ADAMTS17: variants seen among roughly 807,000 people sequenced by gnomAD.
ADAMTS17 encodes the protein A disintegrin and metalloproteinase with thrombospondin motifs 17.
ADAMTS17 carries 113 observed loss-of-function variants against 141.5 expected under a neutral mutation model. The ratio of observed to expected loss-of-function variants is 0.80; its 90% CI spans 0.69 to 0.93. ADAMTS17 has a LOEUF of 0.93. ADAMTS17 is among the 40% of genes least tolerant of loss of function. The pLI, the probability that ADAMTS17 is intolerant of heterozygous loss-of-function variation, is 0.00. For synonymous variants in ADAMTS17, 768 were observed against 630.6 expected, an observed-to-expected ratio of 1.22 and a Z score of -3.27; for missense variants, 1,659 against 1,517.9, an observed-to-expected ratio of 1.09 and a Z score of -1.54.
In ADAMTS17 at chr15:100,262,385, T is replaced by G; in HGVS notation, c.840A>C (p.Gln280His). 6.2e-7 allele frequency: 1 copy of G among 1,614,020 alleles called. No homozygotes were observed. The highest frequency in any genetic ancestry group is 8.5e-7 in the Non-Finnish European group (1 of 1,179,970). The stretch of plus-strand genomic sequence containing the variant: ...GTCGTAGCAGGACAAGCTTGGTCAC[T>G]TGAATGTTAATTTTAATCCCCAGGC... Reference protein sequence around the residue: ...HQSLGIKINIQVTKLVLLRQR... With the variant: ...HQSLGIKINIHVTKLVLLRQR... Residue 280 changes from glutamine to histidine, a missense_variant, in exon 5 of 22, where the codon CAA (glutamine) becomes CAC (histidine). Physicochemically the swap from Gln to His is conservative, Grantham distance 24. Transcript: ENST00000268070.
intron 7 of ADAMTS17, among the ~76,000 whole-genome samples, chr15:100,250,980 G>A (rs1596362640): frequency 2.6e-5 from 4 of 152,148 alleles, no homozygotes; most frequent in South Asian, 2.1e-4. Context: ...TCTGTTCATC[G>A]AATCATCCCA....
chr15:100,030,711 A>G (rs1330963002), intron 18 of ADAMTS17, among the ~76,000 whole-genome samples: 4 of 152,172 alleles, frequency 2.6e-5, no homozygotes, highest in Non-Finnish European at 2.9e-5. Context: ...TGCTGTTGCA[A>G]TTTACTCTGA....
chr15:100,112,521 C>A (rs773127320), intron 13 of ADAMTS17, among the ~76,000 whole-genome samples: 1 of 152,122 alleles, frequency 6.6e-6, no homozygotes, highest in Non-Finnish European at 1.5e-5. Flanking sequence ...CTATTTCCCT[C>A]CAGGTTGCCT....
intron 7 of ADAMTS17, among the ~76,000 whole-genome samples, chr15:100,238,315 T>A (rs1190800645): frequency 6.6e-6 from 1 of 152,182 alleles, no homozygotes; most frequent in Non-Finnish European, 1.5e-5. Context: ...CCAGCCTCCA[T>A]CCACACTCTA....
At chr15:100,070,443 T>TCCCTATGCTAAGGGAAAAAAGCC (rs2033884049) in intron 15 of ADAMTS17, among the ~76,000 whole-genome samples, 1 of 150,324 alleles carries the variant, frequency 6.7e-6, no homozygotes, top group Non-Finnish European at 1.5e-5. Context: ...ATATACATTC[T>TCCCTATGCTAAGGGAAAAAAGCC]TCTCAGCACC....
intron 15 of ADAMTS17, among the ~76,000 whole-genome samples, chr15:100,054,530 AAGG>A (rs1335930173): frequency 2.6e-5 from 4 of 152,222 alleles, no homozygotes; most frequent in Admixed American, 6.5e-5. Flanking sequence ...GGGGTTCCAG[AAGG>A]AGAAGAGCCC....
At chr15:100,083,053 G>T (rs766407102) in intron 15 of ADAMTS17, among the ~76,000 whole-genome samples, 9 of 152,188 alleles carry the variant, frequency 5.9e-5, no homozygotes, top group Non-Finnish European at 1.3e-4. Flanking sequence ...TGGAAATATG[G>T]AAGTAACACA....
intron 8 of ADAMTS17, among the ~76,000 whole-genome samples, chr15:100,194,886 T>A (rs1410793541): frequency 1.3e-5 from 2 of 152,170 alleles, no homozygotes; most frequent in African/African-American, 4.8e-5. Flanking sequence ...GTTGTAGCCA[T>A]CTTCCCATGT....
At chr15:100,325,039 GC>G (rs1482735681) in intron 3 of ADAMTS17, among the ~76,000 whole-genome samples, 2 of 152,148 alleles carry the variant, frequency 1.3e-5, no homozygotes. Context: ...CCTTTGTGTG[GC>G]CCACTTCTAG....
intron 8 of ADAMTS17, among the ~76,000 whole-genome samples, chr15:100,167,301 C>A (rs535825478): frequency 6.6e-6 from 1 of 152,176 alleles, no homozygotes; most frequent in Non-Finnish European, 1.5e-5. Flanking sequence ...AGCTGGAGAA[C>A]AATTAGTGGC....
chr15:100,004,304 G>A (rs1426884498), intron 18 of ADAMTS17, among the ~76,000 whole-genome samples: 6 of 152,142 alleles, frequency 3.9e-5, no homozygotes, highest in African/African-American at 1.4e-4. Flanking sequence ...AATGAGGTAT[G>A]GGCAGAAAAT....
At chr15:100,157,890 T>C (rs946958871) in intron 8 of ADAMTS17, among the ~76,000 whole-genome samples, 1 of 147,092 alleles carries the variant, frequency 6.8e-6, no homozygotes, top group Non-Finnish European at 1.5e-5. Flanking sequence ...GCTATATTCT[T>C]TTTTTTTTTT....
chr15:100,281,690 A>G (rs2142081866), intron 3 of ADAMTS17, among the ~76,000 whole-genome samples: 1 of 152,210 alleles, frequency 6.6e-6, no homozygotes, highest in East Asian at 1.9e-4. Flanking sequence ...AGAGGAGAAA[A>G]CCCACCCCTT....
rs529758651 is a variant in ADAMTS17, at chr15:100,340,860, C to T, written c.450+179G>A. ...ATGCTGCCCCTCCCACCCCCTTTGC[C>T]TATAGAGGGTACCGAAGGCCGGGGT... On this transcript the variant is annotated intron_variant, in intron 2 of 21. Coordinates refer to ENST00000268070, the MANE Select transcript of ADAMTS17 (RefSeq NM_139057.4). 6.2e-5 allele frequency: 60 copies of T among 962,326 alleles called. No homozygotes were observed. In the South Asian group the frequency reaches 8.1e-4, roughly 13 times the overall value. 59.6% of individuals were successfully genotyped at this position (962,326 alleles called of 1,614,324 possible).
intron 11 of ADAMTS17, among the ~76,000 whole-genome samples, chr15:100,132,466 G>T (rs2038101388): frequency 6.6e-6 from 1 of 152,184 alleles, no homozygotes. Flanking sequence ...TGCAAACTTT[G>T]TTTGACGTGA....
chr15:100,038,450 T>G lies in ADAMTS17; in HGVS notation c.2591+10407A>C, dbSNP rs192093000. Among the ~76,000 whole-genome samples the G allele has an allele frequency of 3.9e-5, 6 of 152,360 alleles. No homozygotes were observed. The East Asian group carries it at 1.2e-3, about 29-fold the overall frequency. On this transcript the variant is annotated intron_variant, in intron 18 of 21. Coordinates refer to ENST00000268070, the MANE Select transcript of ADAMTS17 (RefSeq NM_139057.4). Reference sequence around the variant, plus strand: ...AGATTGCACTAAATCTATAGATCAATTTGTAGAGTATTGTTATCTTAACAA... The same window carrying G: ...AGATTGCACTAAATCTATAGATCAAGTTGTAGAGTATTGTTATCTTAACAA...
At chr15:100,065,405 C>A (rs1273422958) in intron 15 of ADAMTS17, among the ~76,000 whole-genome samples, 2 of 152,176 alleles carry the variant, frequency 1.3e-5, no homozygotes, top group Non-Finnish European at 2.9e-5. Flanking sequence ...ATGAGGTGTT[C>A]TGTAGCCAGC....
chr15:100,010,985 C>T (rs997617735), intron 18 of ADAMTS17, among the ~76,000 whole-genome samples: 4 of 152,040 alleles, frequency 2.6e-5, no homozygotes, highest in Admixed American at 2.6e-4. Context: ...GAGCACGGCA[C>T]CATCTGTGAA....
chr15:100,341,271 C>A lies in ADAMTS17; in HGVS notation c.218G>T (p.Arg73Leu). The change falls in exon 2 of 22, where the codon CGC becomes CTC. Residue 73 changes from arginine (R) to leucine (L), a missense_variant. Transcript: ENST00000268070. The part of the protein sequence containing the change: ...RRPRTPPAAP[R>L]ARPGERALLL... ...CAGGGCGCGCTCTCCGGGCCGGGCGCGCGGGGCGGCTGGGGGCGTGCGGGG... is the reference window on the plus strand; with the variant it reads ...CAGGGCGCGCTCTCCGGGCCGGGCGAGCGGGGCGGCTGGGGGCGTGCGGGG... 1 of 1,255,272 alleles carries A rather than the reference C, an allele frequency of 8.0e-7. No homozygotes were observed. Among genetic ancestry groups the A allele is most frequent in the Non-Finnish European group, 1.0e-6 (1 of 998,672 alleles). The allele number at this position is 1,255,272 out of a possible 1,614,324, so 77.8% of individuals were successfully genotyped here.
Sources: allele counts gnomAD v4.1 joint callset (sites outside exome capture counted in the v4.1 genomes callset), GRCh38; gene constraint gnomAD v4.1.1; transcripts MANE v1.5; gene names NCBI Gene and HGNC (gene_info 2026-07-23, HGNC 2026-07-21).